AIRIM: variants seen among roughly 807,000 people sequenced by gnomAD.
AIRIM encodes AFG2-interacting ribosome maturation factor.
the AIRIM span, chr1:37,683,090 G>A: frequency 6.3e-7 from 1 of 1,598,414 alleles, no homozygotes; most frequent in Admixed American, 1.7e-5. Flanking sequence ...CTTCAACTGT[G>A]GTACCCGTGG....
At chr1:37,689,889 G>T in the AIRIM span, 2 of 1,534,964 alleles carry the variant, frequency 1.3e-6, no homozygotes, top group Non-Finnish European at 1.7e-6. Context: ...ATCTTCTGCT[G>T]AAAAAGATAA....
At chr1:37,690,936 G>C in the AIRIM span, 1 of 152,580 alleles carries the variant, frequency 6.6e-6, no homozygotes, top group South Asian at 2.0e-4. Flanking sequence ...GGGCTCACTG[G>C]GGAGTAGGGT....
the AIRIM span, among the ~76,000 whole-genome samples, chr1:37,685,865 C>A: frequency 6.6e-6 from 1 of 152,128 alleles, no homozygotes. Context: ...TGCCTAGTAA[C>A]TTTCTCTCCC....
the AIRIM span, among the ~76,000 whole-genome samples, chr1:37,688,613 G>C: frequency 6.6e-6 from 1 of 152,052 alleles, no homozygotes; most frequent in South Asian, 2.1e-4. Context: ...CCTAATGAAC[G>C]TATTTTGTAC....
chr1:37,684,653 G>C, the AIRIM span, among the ~76,000 whole-genome samples: 1 of 152,150 alleles, frequency 6.6e-6, no homozygotes, highest in East Asian at 1.9e-4. Context: ...AAACAGGGTG[G>C]GTTCTACGAC....
chr1:37,682,824 G>A, the AIRIM span: 70 of 321,470 alleles, frequency 2.2e-4, no homozygotes, highest in African/African-American at 1.4e-3. Context: ...CACAATAGAG[G>A]AAAGACACTA....
At chr1:37,689,588 C>G in the AIRIM span, 1 of 1,571,510 alleles carries the variant, frequency 6.4e-7, no homozygotes, top group Admixed American at 1.8e-5. Context: ...CAAGAAACAG[C>G]ACTAGGGAGC....
the AIRIM span, among the ~76,000 whole-genome samples, chr1:37,691,810 C>G: frequency 2.6e-5 from 4 of 152,230 alleles, no homozygotes; most frequent in African/African-American, 4.8e-5. Context: ...CCCCGCGCTG[C>G]GCACCCAGTC....
At chr1:37,688,468 G>A in the AIRIM span, among the ~76,000 whole-genome samples, 3 of 152,074 alleles carry the variant, frequency 2.0e-5, no homozygotes, top group Admixed American at 6.6e-5. Flanking sequence ...CACACAAGCC[G>A]TACTTATCAA....
the AIRIM span, chr1:37,682,782 C>T: frequency 4.7e-6 from 1 of 212,858 alleles, no homozygotes; most frequent in Non-Finnish European, 9.4e-6. Flanking sequence ...GGCTCTTTGC[C>T]TCTTGTCCTT....
the AIRIM span, chr1:37,686,251 C>G: frequency 1.9e-6 from 3 of 1,596,494 alleles, no homozygotes; most frequent in East Asian, 2.2e-5. Flanking sequence ...TGGCTGTGAC[C>G]TGAAATGTGT....
the AIRIM span, chr1:37,689,868 G>A: frequency 3.9e-6 from 6 of 1,557,622 alleles, no homozygotes; most frequent in East Asian, 1.1e-4. Context: ...AGCAGAGGCC[G>A]GTCTTGAGTC....
At chr1:37,686,566 G>A in the AIRIM span, 3 of 1,057,760 alleles carry the variant, frequency 2.8e-6, no homozygotes, top group Non-Finnish European at 2.7e-6. Context: ...GTGAAGGGCT[G>A]CCCTGTACAT....
chr1:37,687,068 G>A, the AIRIM span, among the ~76,000 whole-genome samples: 9 of 90,798 alleles, frequency 9.9e-5, no homozygotes, highest in East Asian at 6.0e-3. Context: ...AAGTGTGTGT[G>A]TGTGTGTGTG....
At chr1:37,686,532 T>C in the AIRIM span, 2 of 1,374,422 alleles carry the variant, frequency 1.5e-6, no homozygotes, top group Admixed American at 4.0e-5. Context: ...ACTACTGATA[T>C]TTTGGACTAC....
the AIRIM span, among the ~76,000 whole-genome samples, chr1:37,685,071 C>G: frequency 3.3e-5 from 5 of 152,154 alleles, no homozygotes; most frequent in South Asian, 4.2e-4. Flanking sequence ...CCCTTGCCCC[C>G]ACTACCCCAA....
chr1:37,689,539 T>C, the AIRIM span: 2 of 1,494,660 alleles, frequency 1.3e-6, no homozygotes, highest in Non-Finnish European at 9.0e-7. Flanking sequence ...GGACTGACAC[T>C]AGCTACATAT....
chr1:37,691,815 C>T, the AIRIM span, among the ~76,000 whole-genome samples: 39 of 152,356 alleles, frequency 2.6e-4, no homozygotes, highest in Non-Finnish European at 3.8e-4. Context: ...CGCTGCGCAC[C>T]CAGTCGAGGC....
the AIRIM span, chr1:37,690,274 C>A: frequency 3.1e-6 from 4 of 1,292,584 alleles, no homozygotes; most frequent in South Asian, 1.2e-5. Context: ...CGTGAGCCAC[C>A]GCGCCCGGCC....
Sources: gnomAD v4.1 joint callset for allele counts (sites outside exome capture counted in the v4.1 genomes callset) on GRCh38, gnomAD v4.1.1 for gene constraint, MANE v1.5 for transcripts, NCBI Gene and HGNC (gene_info 2026-07-23, HGNC 2026-07-21) for gene names.